ROBO2: variants seen among roughly 807,000 people sequenced by gnomAD.
ROBO2 encodes the protein roundabout guidance receptor 2.
Under a neutral mutation model 160.8 loss-of-function variants are expected in ROBO2, and 53 were observed. The observed-to-expected ratio is 0.33, with a 90% confidence interval of 0.26 to 0.41. The LOEUF is 0.41. Ranked by LOEUF, ROBO2 falls within the 10% of genes least tolerant of loss-of-function variation. ROBO2 has a pLI of 1.00. For synonymous variants in ROBO2, 664 were observed against 611.7 expected, an observed-to-expected ratio of 1.09 and a Z score of -1.26; for missense variants, 1,577 against 1,722.4, an observed-to-expected ratio of 0.92 and a Z score of 1.49.
At chr3:76,105,294 A>C (rs1216947978) in intron 2 of ROBO2, among the ~76,000 whole-genome samples, 1 of 152,192 alleles carries the variant, frequency 6.6e-6, no homozygotes, top group Non-Finnish European at 1.5e-5. Flanking sequence ...GAATTAAGCA[A>C]GAATTGCACA....
chr3:77,494,670 T>C (rs17015300), intron 5 of ROBO2, among the ~76,000 whole-genome samples: 4,928 of 152,348 alleles, frequency 0.032, 264 homozygotes, highest in African/African-American at 0.11. Context: ...CGAAGCTGTA[T>C]ACCTTTTATG....
At chr3:76,934,175 G>A (rs192577773) in intron 2 of ROBO2, among the ~76,000 whole-genome samples, 2 of 149,728 alleles carry the variant, frequency 1.3e-5, no homozygotes, top group Admixed American at 1.3e-4. Context: ...TCATATTCCT[G>A]GAAGTGACTT....
chr3:76,335,119 T>C (rs1456698856), intron 2 of ROBO2, among the ~76,000 whole-genome samples: 1 of 151,340 alleles, frequency 6.6e-6, no homozygotes, highest in African/African-American at 2.4e-5. Flanking sequence ...CTCTCAACTC[T>C]ACCTCCAAAA....
intron 2 of ROBO2, among the ~76,000 whole-genome samples, chr3:76,806,052 T>C (rs2064680877): frequency 6.6e-6 from 1 of 151,948 alleles, no homozygotes; most frequent in Non-Finnish European, 1.5e-5. Context: ...GTGATTTTAA[T>C]TAGTCTTTTG....
intron 2 of ROBO2, among the ~76,000 whole-genome samples, chr3:76,165,806 G>A (rs929297070): frequency 6.6e-6 from 1 of 152,018 alleles, no homozygotes; most frequent in Admixed American, 6.6e-5. Context: ...AGAGAGAATG[G>A]GAAACAGCCA....
chr3:77,460,258 G>A (rs920764517), intron 2 of ROBO2, among the ~76,000 whole-genome samples: 8 of 152,118 alleles, frequency 5.3e-5, no homozygotes, highest in Non-Finnish European at 8.8e-5. Flanking sequence ...AATTCCTTGA[G>A]CGATTCATAG....
At chr3:75,997,784 C>T (rs531778359) in intron 2 of ROBO2, among the ~76,000 whole-genome samples, 21 of 152,204 alleles carry the variant, frequency 1.4e-4, no homozygotes, top group South Asian at 6.2e-4. Context: ...TGAGCCACCG[C>T]GCCCGGCAAG....
At chr3:76,413,825 G>A (rs1017825728) in intron 2 of ROBO2, among the ~76,000 whole-genome samples, 3 of 152,056 alleles carry the variant, frequency 2.0e-5, no homozygotes, top group African/African-American at 4.8e-5. Flanking sequence ...TTCCAAAGTC[G>A]CTTCCACATT....
chr3:77,546,458 G>A, exon 7 of ROBO2: 2 of 1,613,108 alleles, frequency 1.2e-6, no homozygotes, highest in Non-Finnish European at 1.7e-6. Context: ...AAAGAAGGCA[G>A]CCAGGTGAGT....
intron 2 of ROBO2, among the ~76,000 whole-genome samples, chr3:76,786,856 T>TCA (rs2063011490): frequency 6.6e-6 from 1 of 151,320 alleles, no homozygotes; most frequent in South Asian, 2.1e-4. Flanking sequence ...TAGTCCATTC[T>TCA]CACACTGCTA....
chr3:76,854,024 CTCTCTCTCT>C (rs1559605167), intron 2 of ROBO2, among the ~76,000 whole-genome samples: 11 of 15,066 alleles, frequency 7.3e-4, no homozygotes, highest in Admixed American at 6.2e-4. Context: ...GACTTTCTCT[CTCTCTCTCT>C]CTCTCTCTCT....
At chr3:75,928,859 GACGTGTGT>G in intron 1 of ROBO2, among the ~76,000 whole-genome samples, 1 of 115,390 alleles carries the variant, frequency 8.7e-6, no homozygotes, top group Non-Finnish European at 1.7e-5. Flanking sequence ...AGCTGGATAA[GACGTGTGT>G]GTGTGTGTGT....
At chr3:77,164,727 C>CA (rs2078858716) in intron 2 of ROBO2, among the ~76,000 whole-genome samples, 1 of 64,682 alleles carries the variant, frequency 1.5e-5, no homozygotes, top group Admixed American at 1.8e-4. Context: ...GTCAGCCCTC[C>CA]GCCCGGCCAG....
intron 2 of ROBO2, among the ~76,000 whole-genome samples, chr3:77,430,918 TG>T (rs1332593309): frequency 4.6e-5 from 7 of 152,210 alleles, no homozygotes; most frequent in African/African-American, 1.7e-4. Context: ...GTATCTCATC[TG>T]CATCTGCAGT....
At chr3:75,908,674 T>A (rs1380350150) in intron 1 of ROBO2, among the ~76,000 whole-genome samples, 1 of 152,202 alleles carries the variant, frequency 6.6e-6, no homozygotes, top group Non-Finnish European at 1.5e-5. Context: ...ACATGCTATA[T>A]GAAAAAAAAG....
chr3:76,304,728 CTTTCT>C (rs199596919), intron 2 of ROBO2, among the ~76,000 whole-genome samples: 33,525 of 86,228 alleles, frequency 0.39, 5,863 homozygotes, highest in Non-Finnish European at 0.57. Context: ...TTCTTTCTTT[CTTTCT>C]TTTCTTTTCT....
At chr3:76,750,557 C>T (rs1279836879) in intron 2 of ROBO2, among the ~76,000 whole-genome samples, 1 of 152,162 alleles carries the variant, frequency 6.6e-6, no homozygotes, top group African/African-American at 2.4e-5. Context: ...CCCATCATCT[C>T]AGCCCCAAAT....
At chr3:76,867,196 G>C (rs910007280) in intron 2 of ROBO2, among the ~76,000 whole-genome samples, 5 of 152,136 alleles carry the variant, frequency 3.3e-5, no homozygotes, top group East Asian at 1.9e-4. Flanking sequence ...TGGACTATCA[G>C]CTTGAACTTT....
intron 2 of ROBO2, among the ~76,000 whole-genome samples, chr3:76,930,034 T>C (rs547759043): frequency 6.6e-6 from 1 of 152,306 alleles, no homozygotes; most frequent in African/African-American, 2.4e-5. Flanking sequence ...CTTTTCTTTT[T>C]TTCTTTCGAG....
Sources: gnomAD v4.1 joint callset for allele counts (sites outside exome capture counted in the v4.1 genomes callset) on GRCh38, gnomAD v4.1.1 for gene constraint, MANE v1.5 for transcripts, NCBI Gene and HGNC (gene_info 2026-07-23, HGNC 2026-07-21) for gene names.